The following ADGRE3 variants were observed in gnomAD, a reference collection of about 807,000 sequenced individuals.
The protein encoded by ADGRE3 is adhesion G protein-coupled receptor E3.
Under a neutral mutation model 80.1 loss-of-function variants are expected in ADGRE3, and 88 were observed. That is an observed-to-expected ratio of 1.10 (90% CI 0.93 to 1.31). The LOEUF (loss-of-function observed/expected upper bound fraction) is 1.31. ADGRE3 is among the 40% of genes most tolerant of loss of function. The probability of loss-of-function intolerance (pLI) is 0.00; values close to 1 mark genes in which losing one functional copy is unlikely to be tolerated. For missense variants in ADGRE3, 715 were observed against 776.5 expected, an observed-to-expected ratio of 0.92 and a Z score of 0.94; for synonymous variants, 281 against 294.8, an observed-to-expected ratio of 0.95 and a Z score of 0.48.
chr19:14,620,587 T>A (rs1179515264), intron 15 of ADGRE3, among the ~76,000 whole-genome samples: 8 of 53,698 alleles, frequency 1.5e-4, no homozygotes, highest in Non-Finnish European at 2.9e-4. Context: ...TTTTTTTTTT[T>A]TTTTTTTTTT....
intron 3 of ADGRE3, among the ~76,000 whole-genome samples, chr19:14,662,766 A>G (rs1019224030): frequency 6.6e-6 from 1 of 151,870 alleles, no homozygotes; most frequent in African/African-American, 2.4e-5. Flanking sequence ...CTGCTTCTGG[A>G]TAACTTGCAA....
At chr19:14,633,090 C>T (rs2045912) in intron 12 of ADGRE3, 78 bp from the exon 13 acceptor site, 556,119 of 1,301,172 alleles carry the variant, frequency 0.43, 122,615 homozygotes, top group East Asian at 0.65. Flanking sequence ...ACACAGGAGT[C>T]CTACCCTCTT....
the ADGRE3 span, among the ~76,000 whole-genome samples, chr19:14,603,830 G>A: frequency 1.4e-4 from 22 of 152,140 alleles, no homozygotes; most frequent in Non-Finnish European, 2.4e-4. Context: ...ATGTGCTGGA[G>A]ACTATTCTAC....
At position 14,636,049 on chromosome 19, in the gene ADGRE3, C is replaced by CT. The variant is rs1463883471; in HGVS notation, c.1484+2055dup. 7.8e-3 allele frequency among the ~76,000 whole-genome samples: 459 copies of CT among 58,814 alleles called. 22 individuals are homozygous for CT. The highest frequency in any genetic ancestry group is 0.011 in the Non-Finnish European group (265 of 24,966). The allele number at this position is 58,814 out of a possible 152,430, so 38.6% of individuals were successfully genotyped here. ...CCTTCCTTCCTTCCTTCCTTCCTTC[C>CT]TTCCTTCCTTCCTTTCCTTTCCTTT... On this transcript the variant is annotated intron_variant, in intron 11 of 15. Transcript: ENST00000253673.
intron 14 of ADGRE3, among the ~76,000 whole-genome samples, chr19:14,625,817 C>A (rs893960121): frequency 2.6e-5 from 4 of 152,024 alleles, no homozygotes; most frequent in African/African-American, 9.7e-5. Context: ...TCAGGCTAAG[C>A]GAAATAAGCT....
At chr19:14,668,882 A>G (rs199595232) in intron 1 of ADGRE3, 30 bp from the exon 2 acceptor site, 3 of 1,606,108 alleles carry the variant, frequency 1.9e-6, no homozygotes, top group Non-Finnish European at 2.6e-6. Context: ...GAAGGGAGAG[A>G]CATGAAACAA....
intron 14 of ADGRE3, among the ~76,000 whole-genome samples, chr19:14,627,598 T>C (rs1281066959): frequency 1.3e-5 from 2 of 151,724 alleles, no homozygotes; most frequent in East Asian, 3.9e-4. Context: ...AGGCTGGTCT[T>C]GAACTCCTGA....
Position 14,641,516 on chromosome 19 carries a change from A to C in ADGRE3, c.1151T>G (p.Ile384Ser). ...ATGCAGTGAGGTGCTGGTGTTCCGG[A>C]TGGCTTTACACAGGAGAAAAGTGAG... ...AALTFLLCKA[I>S]RNTSTSLHLQ... Residue 384 changes from isoleucine to serine, a missense_variant, in exon 10 of 16, where the codon ATC becomes AGC. Transcript: ENST00000253673. 1 of 1,613,792 alleles carries C rather than the reference A, an allele frequency of 6.2e-7. No homozygotes were observed. The highest frequency in any genetic ancestry group is 8.5e-7 in the Non-Finnish European group (1 of 1,179,690).
chr19:14,638,737 C>T (rs1178610678), intron 10 of ADGRE3, among the ~76,000 whole-genome samples: 1 of 152,108 alleles, frequency 6.6e-6, no homozygotes, highest in East Asian at 1.9e-4. Flanking sequence ...ATTTACCCCT[C>T]CTTTTAAACT....
the ADGRE3 span, among the ~76,000 whole-genome samples, chr19:14,607,488 C>A: frequency 2.0e-5 from 3 of 151,666 alleles, no homozygotes; most frequent in Non-Finnish European, 2.9e-5. Context: ...CAGGCGTGAG[C>A]CACCGCGCCC....
chr19:14,663,371 T>A, intron 3 of ADGRE3, 47 bp downstream of exon 3: 1 of 1,195,416 alleles, frequency 8.4e-7, no homozygotes, highest in South Asian at 2.0e-5. Flanking sequence ...TCTCTAATAA[T>A]AATGATAATA....
At chr19:14,624,703 T>C (rs1715432272) in intron 15 of ADGRE3, among the ~76,000 whole-genome samples, 1 of 149,662 alleles carries the variant, frequency 6.7e-6, no homozygotes, top group South Asian at 2.1e-4. Context: ...CGCAGTAAGC[T>C]ATGATCACGC....
intron 5 of ADGRE3, among the ~76,000 whole-genome samples, chr19:14,656,751 T>C (rs1489737660): frequency 6.6e-6 from 1 of 152,206 alleles, no homozygotes; most frequent in Non-Finnish European, 1.5e-5. Flanking sequence ...TGCTTGTCTA[T>C]GTCCGCAGCT....
intron 7 of ADGRE3, among the ~76,000 whole-genome samples, chr19:14,648,947 C>G (rs562212488): frequency 3.3e-5 from 5 of 151,792 alleles, no homozygotes; most frequent in Non-Finnish European, 7.4e-5. Flanking sequence ...CTCTCCCCAT[C>G]TCTCTCTTTC....
intron 10 of ADGRE3, 140 bp from the exon 11 acceptor site, chr19:14,638,480 T>C (rs549720233): frequency 1.6e-6 from 1 of 629,508 alleles, no homozygotes; most frequent in East Asian, 2.8e-5. Context: ...CTGGATGCAG[T>C]GGCTCATGTC....
chr19:14,661,196 C>A (rs1320796686), intron 4 of ADGRE3, among the ~76,000 whole-genome samples: 1 of 152,180 alleles, frequency 6.6e-6, no homozygotes, highest in African/African-American at 2.4e-5. Flanking sequence ...CCCGCCTTGG[C>A]CTCCCAAAGT....
At chr19:14,642,556 AT>A (rs1347742340) in intron 9 of ADGRE3, among the ~76,000 whole-genome samples, 1 of 151,896 alleles carries the variant, frequency 6.6e-6, no homozygotes, top group Non-Finnish European at 1.5e-5. Flanking sequence ...CCCATTAGTT[AT>A]TTTTCCTGGT....
the ADGRE3 span, chr19:14,607,084 G>A: frequency 7.6e-7 from 1 of 1,315,348 alleles, no homozygotes; most frequent in Non-Finnish European, 9.7e-7. Context: ...TGGCTGGATG[G>A]GTCTCCTGTG....
rs555578273 is a variant in ADGRE3 at position 14,668,157 on chromosome 19, A to C, written c.76+645T>G. Among the ~76,000 whole-genome samples the C allele has an allele frequency of 2.5e-4, 38 of 152,244 alleles. 1 individual carries two copies. The South Asian group carries it at 5.0e-3, about 20-fold the overall frequency. On this transcript the variant is annotated intron_variant, in intron 2 of 15. Transcript: ENST00000253673. The stretch of plus-strand genomic sequence containing the variant: ...TCCCAGCTACTCGGGAGGCTGAGGC[A>C]TGAGATTCGTTTGAACCCAGGACGT...
Sources: allele counts gnomAD v4.1 joint callset (sites outside exome capture counted in the v4.1 genomes callset), GRCh38; gene constraint gnomAD v4.1.1; transcripts MANE v1.5; gene names NCBI Gene and HGNC (gene_info 2026-07-23, HGNC 2026-07-21).